DTD1: variants seen among roughly 807,000 people sequenced by gnomAD.
DTD1 encodes the protein D-tyrosyl-tRNA deacylase 1 homolog.
In DTD1, 13 loss-of-function variants were observed where a neutral mutation model predicts 25.6. That is an observed-to-expected ratio of 0.51 (90% CI 0.33 to 0.81). The LOEUF (loss-of-function observed/expected upper bound fraction) is 0.81. DTD1 is among the 30% of genes least tolerant of loss of function. The probability of loss-of-function intolerance (pLI) is 0.02; values close to 1 mark genes in which losing one functional copy is unlikely to be tolerated. For synonymous variants in DTD1, 110 were observed against 103.6 expected, an observed-to-expected ratio of 1.06 and a Z score of -0.37; for missense variants, 193 against 266.4, an observed-to-expected ratio of 0.72 and a Z score of 1.92.
chr20:18,725,008 G>T (rs1010226698), intron 4 of DTD1, among the ~76,000 whole-genome samples: 2 of 152,280 alleles, frequency 1.3e-5, no homozygotes, highest in Admixed American at 1.3e-4. Context: ...ACCCAGGAAA[G>T]AACCCTGGTG....
intron 4 of DTD1, among the ~76,000 whole-genome samples, chr20:18,658,829 T>C (rs1014730938): frequency 6.6e-6 from 1 of 152,176 alleles, no homozygotes; most frequent in African/African-American, 2.4e-5. Flanking sequence ...TATGTAGGGG[T>C]GGGACACTGA....
chr20:18,599,501 G>A (rs558398701), intron 3 of DTD1, among the ~76,000 whole-genome samples: 1 of 152,288 alleles, frequency 6.6e-6, no homozygotes, highest in East Asian at 1.9e-4. Context: ...AGCAGGTTTT[G>A]TATGTATATA....
At chr20:18,626,352 A>C (rs1245004814) in intron 3 of DTD1, among the ~76,000 whole-genome samples, 1 of 152,112 alleles carries the variant, frequency 6.6e-6, no homozygotes, top group Non-Finnish European at 1.5e-5. Flanking sequence ...GCAGGGAGGC[A>C]CTCTGGTTTA....
intron 4 of DTD1, among the ~76,000 whole-genome samples, chr20:18,691,441 G>T (rs570868192): frequency 2.0e-5 from 3 of 152,308 alleles, no homozygotes; most frequent in South Asian, 2.1e-4. Flanking sequence ...GCCATAAAAA[G>T]AACAAAATCA....
intron 5 of DTD1, among the ~76,000 whole-genome samples, chr20:18,751,746 A>C (rs541686059): frequency 1.3e-4 from 20 of 152,132 alleles, no homozygotes; most frequent in African/African-American, 4.6e-4. Context: ...CACACACCTC[A>C]GCCTCCCAAA....
intron 1 of DTD1, chr20:18,588,971 G>T: frequency 1.3e-6 from 1 of 748,784 alleles, no homozygotes; most frequent in Non-Finnish European, 1.6e-6. Context: ...CAACTATATT[G>T]TTTCAGTTCA....
intron 4 of DTD1, among the ~76,000 whole-genome samples, chr20:18,661,767 A>G (rs1440314035): frequency 1.3e-5 from 2 of 152,202 alleles, no homozygotes; most frequent in East Asian, 3.8e-4. Context: ...GCACCTACAA[A>G]TCAATAAGGA....
chr20:18,741,599 A>G (rs1441599219), intron 4 of DTD1, among the ~76,000 whole-genome samples: 1 of 152,084 alleles, frequency 6.6e-6, no homozygotes, highest in Non-Finnish European at 1.5e-5. Context: ...GCCATACTGT[A>G]TTTGCATGAG....
intron 4 of DTD1, among the ~76,000 whole-genome samples, chr20:18,741,791 C>T (rs963988587): frequency 2.0e-5 from 3 of 151,946 alleles, no homozygotes; most frequent in African/African-American, 7.3e-5. Flanking sequence ...GACATGATCT[C>T]AACTTACTGT....
intron 5 of DTD1, among the ~76,000 whole-genome samples, chr20:18,760,875 G>T (rs1371190426): frequency 3.9e-5 from 6 of 152,216 alleles, no homozygotes; most frequent in African/African-American, 1.4e-4. Flanking sequence ...AGCTGCGGTG[G>T]GCTCCACCCA....
chr20:18,679,906 G>A (rs1389665028), intron 4 of DTD1, among the ~76,000 whole-genome samples: 1 of 152,100 alleles, frequency 6.6e-6, no homozygotes, highest in African/African-American at 2.4e-5. Flanking sequence ...TGGTTCCTGG[G>A]GATGCAGTAA....
At chr20:18,751,369 C>A (rs534952243) in intron 5 of DTD1, among the ~76,000 whole-genome samples, 2 of 152,296 alleles carry the variant, frequency 1.3e-5, no homozygotes, top group East Asian at 3.9e-4. Context: ...TGACACTCTA[C>A]CACTTTACCT....
At chr20:18,632,230 G>T (rs1216835209) in intron 4 of DTD1, 7 of 985,254 alleles carry the variant, frequency 7.1e-6, no homozygotes, top group Non-Finnish European at 8.4e-6. Flanking sequence ...AACTTATAAG[G>T]ATTAAAAAAG....
intron 2 of DTD1, among the ~76,000 whole-genome samples, chr20:18,595,172 C>A (rs1222207648): frequency 6.6e-6 from 1 of 152,172 alleles, no homozygotes; most frequent in Non-Finnish European, 1.5e-5. Context: ...GCTTAAGGAG[C>A]TTGTGACATA....
Position 18,764,523 on chromosome 20 carries a change from C to A in DTD1, c.*1183C>A, listed in dbSNP as rs2061374306. On this transcript the variant is annotated 3_prime_UTR_variant, in exon 6 of 6. Transcript: ENST00000377452. ...GATTTTTATAATGCTGAAACTCTGTCTTCTGTGACCTCTATAATAACTTCT... is the reference window on the plus strand; with the variant it reads ...GATTTTTATAATGCTGAAACTCTGTATTCTGTGACCTCTATAATAACTTCT... 6.6e-6 allele frequency: 1 copy of A among 152,202 alleles called. No homozygotes were observed. Among genetic ancestry groups the A allele is most frequent in the Non-Finnish European group, 1.5e-5 (1 of 68,030 alleles). 9.4% of individuals were successfully genotyped at this position (152,202 alleles called of 1,614,324 possible). A position where few individuals can be genotyped will look rare whatever the true frequency, so the allele number is the denominator to read the frequency against.
intron 4 of DTD1, among the ~76,000 whole-genome samples, chr20:18,687,707 A>G (rs1192809234): frequency 6.6e-6 from 1 of 152,068 alleles, no homozygotes; most frequent in East Asian, 1.9e-4. Context: ...GGCATGCCCA[A>G]CTAATTTTTT....
intron 4 of DTD1, among the ~76,000 whole-genome samples, chr20:18,709,383 A>T (rs1241008837): frequency 6.6e-6 from 1 of 152,106 alleles, no homozygotes; most frequent in Non-Finnish European, 1.5e-5. Context: ...TTGGGTAAAG[A>T]TGGTTGCCAT....
chr20:18,607,049 T>C (rs556292408), intron 3 of DTD1, among the ~76,000 whole-genome samples: 78 of 152,296 alleles, frequency 5.1e-4, no homozygotes, highest in Non-Finnish European at 1.1e-3. Flanking sequence ...TTTAGCTTGA[T>C]TGATTAATTG....
At chr20:18,639,239 A>C (rs1377424640) in intron 4 of DTD1, among the ~76,000 whole-genome samples, 1 of 151,808 alleles carries the variant, frequency 6.6e-6, no homozygotes, top group Non-Finnish European at 1.5e-5. Context: ...TTCCTGGTCA[A>C]CATGAAGCCA....
Sources: allele counts gnomAD v4.1 joint callset (sites outside exome capture counted in the v4.1 genomes callset), GRCh38; gene constraint gnomAD v4.1.1; transcripts MANE v1.5; gene names NCBI Gene and HGNC (gene_info 2026-07-23, HGNC 2026-07-21).